DOCK2: variants seen among roughly 807,000 people sequenced by gnomAD.
DOCK2 encodes the protein dedicator of cytokinesis 2.
Under a neutral mutation model 248.9 loss-of-function variants are expected in DOCK2, and 87 were observed. The ratio of observed to expected loss-of-function variants is 0.35; its 90% CI spans 0.29 to 0.42. The LOEUF (loss-of-function observed/expected upper bound fraction) is 0.42. DOCK2 is among the 10% of genes least tolerant of loss of function. The pLI is 1.00. For synonymous variants in DOCK2, 805 were observed against 821.6 expected (o/e 0.98, Z 0.35); for missense variants, 1,747 against 2,300.2 (o/e 0.76, Z 4.92).
At chr5:169,961,157 C>A (rs1777071252) in intron 27 of DOCK2, among the ~76,000 whole-genome samples, 1 of 152,198 alleles carries the variant, frequency 6.6e-6, no homozygotes, top group African/African-American at 2.4e-5. Context: ...ATATGTCCTA[C>A]AATTGTCATT....
chr5:169,912,113 G>A (rs1018594956), intron 27 of DOCK2, among the ~76,000 whole-genome samples: 3 of 152,172 alleles, frequency 2.0e-5, no homozygotes, highest in Non-Finnish European at 4.4e-5. Flanking sequence ...CACTCTTGGT[G>A]ATACAAGGGA....
At chr5:169,971,871 C>A (rs1777519860) in intron 27 of DOCK2, among the ~76,000 whole-genome samples, 1 of 152,190 alleles carries the variant, frequency 6.6e-6, no homozygotes, top group African/African-American at 2.4e-5. Flanking sequence ...TGTACCCAGG[C>A]ACTTTGTTCA....
intron 9 of DOCK2, among the ~76,000 whole-genome samples, chr5:169,691,192 A>T (rs1482141760): frequency 6.6e-6 from 1 of 152,118 alleles, no homozygotes; most frequent in East Asian, 1.9e-4. Context: ...ACTTTTAAAC[A>T]ACCAGGTCTT....
intron 26 of DOCK2, among the ~76,000 whole-genome samples, chr5:169,819,801 G>A (rs186032923): frequency 2.7e-4 from 41 of 152,330 alleles, no homozygotes; most frequent in African/African-American, 5.8e-4. Flanking sequence ...CACACCGAGC[G>A]TGCGCTGAGG....
At chr5:169,988,114 T>C (rs1262276172) in intron 29 of DOCK2, among the ~76,000 whole-genome samples, 2 of 152,212 alleles carry the variant, frequency 1.3e-5, no homozygotes, top group Non-Finnish European at 2.9e-5. Context: ...TAAAGAAGCA[T>C]GTGTTAATGT....
chr5:169,820,631 T>C (rs901869581), intron 26 of DOCK2, among the ~76,000 whole-genome samples: 29 of 151,982 alleles, frequency 1.9e-4, no homozygotes, highest in African/African-American at 6.5e-4. Context: ...GTCACCATCA[T>C]CAAAGATCAA....
chr5:169,930,060 A>G (rs1775672112), intron 27 of DOCK2, among the ~76,000 whole-genome samples: 1 of 152,138 alleles, frequency 6.6e-6, no homozygotes, highest in South Asian at 2.1e-4. Context: ...GCACGATCTC[A>G]GCTCACTGCA....
chr5:169,925,578 T>TAAA lies in DOCK2; in HGVS notation c.2800-57490_2800-57489insAAA, dbSNP rs1561828965. Among the ~76,000 whole-genome samples the TAAA allele has an allele frequency of 7.0e-3, 227 of 32,296 alleles. 63 individuals carry two copies. Among genetic ancestry groups the TAAA allele is most frequent in the Middle Eastern group, 0.031 (2 of 64 alleles). 21.2% of individuals were successfully genotyped at this position (32,296 alleles called of 152,430 possible). A position where few individuals can be genotyped will look rare whatever the true frequency, so the allele number is the denominator to read the frequency against. ...CTGGGCGACAGAGCAAGACTCTGTC[T>TAAA]TAAAAAAAAAAAAAAAAAAAAAAAA... On this transcript the variant is annotated intron_variant, in intron 27 of 51. Coordinates refer to ENST00000520908, the MANE Select transcript of DOCK2 (RefSeq NM_004946.3).
intron 27 of DOCK2, chr5:169,875,319 C>T (rs1317773613): frequency 2.2e-6 from 1 of 456,700 alleles, no homozygotes; most frequent in Non-Finnish European, 4.4e-6. Flanking sequence ...TTTCCATAGA[C>T]ACCCAGGAGG....
chr5:169,894,722 G>T (rs114378834), intron 27 of DOCK2, among the ~76,000 whole-genome samples: 587 of 152,296 alleles, frequency 3.9e-3, no homozygotes, highest in Non-Finnish European at 6.2e-3. Context: ...ACACACAGTA[G>T]GTGCTCAGTA....
At chr5:169,950,572 T>C (rs1776620413) in intron 27 of DOCK2, among the ~76,000 whole-genome samples, 1 of 152,182 alleles carries the variant, frequency 6.6e-6, no homozygotes, top group Non-Finnish European at 1.5e-5. Context: ...TGTCAGTTTC[T>C]CTTTTGGTTT....
chr5:169,755,028 C>T (rs1046633035), intron 23 of DOCK2, among the ~76,000 whole-genome samples: 2 of 151,840 alleles, frequency 1.3e-5, no homozygotes, highest in Admixed American at 1.3e-4. Flanking sequence ...GCCTCTAGCT[C>T]CTGTGTTGAA....
chr5:169,686,312 C>T (rs1759978061), intron 8 of DOCK2, among the ~76,000 whole-genome samples: 1 of 152,182 alleles, frequency 6.6e-6, no homozygotes, highest in Non-Finnish European at 1.5e-5. Context: ...GGCCCCATCT[C>T]AGTGATGGAT....
chr5:169,927,940 G>C (rs1277176531), intron 27 of DOCK2, among the ~76,000 whole-genome samples: 23 of 152,202 alleles, frequency 1.5e-4, no homozygotes, highest in Admixed American at 1.4e-3. Context: ...TTCAGGGCTG[G>C]ATGATGAGAT....
chr5:169,976,817 C>T (rs761892411), intron 27 of DOCK2, among the ~76,000 whole-genome samples: 1 of 152,144 alleles, frequency 6.6e-6, no homozygotes, highest in Non-Finnish European at 1.5e-5. Context: ...CTGACTCTGC[C>T]GGAGTTGCCA....
At chr5:169,674,579 GGCT>G in intron 6 of DOCK2, 134 bp downstream of exon 6, 1 of 1,370,778 alleles carries the variant, frequency 7.3e-7, no homozygotes, top group Non-Finnish European at 9.9e-7. Context: ...TGTGACCAAT[GGCT>G]GTGCTTGCGT....
chr5:169,760,779 G>A (rs952821306), intron 24 of DOCK2, among the ~76,000 whole-genome samples: 1 of 152,110 alleles, frequency 6.6e-6, no homozygotes, highest in Non-Finnish European at 1.5e-5. Context: ...ATGCCAAATG[G>A]GACCCAGTCT....
At chr5:169,784,143 A>G (rs934914176) in intron 25 of DOCK2, among the ~76,000 whole-genome samples, 40 of 151,552 alleles carry the variant, frequency 2.6e-4, no homozygotes, top group African/African-American at 9.0e-4. Context: ...TTTTTTCTCA[A>G]CACAACAGTT....
At chr5:169,907,915 C>T (rs1051457624) in intron 27 of DOCK2, among the ~76,000 whole-genome samples, 13 of 152,312 alleles carry the variant, frequency 8.5e-5, no homozygotes, top group East Asian at 3.9e-4. Context: ...CAGTCCGTGT[C>T]GGTAAACATC....
Sources: allele counts gnomAD v4.1 joint callset (sites outside exome capture counted in the v4.1 genomes callset), GRCh38; gene constraint gnomAD v4.1.1; transcripts MANE v1.5; gene names NCBI Gene and HGNC (gene_info 2026-07-23, HGNC 2026-07-21).